ASTN2: variants seen among roughly 807,000 people sequenced by gnomAD.
ASTN2 encodes astrotactin 2.
A neutral mutation model predicts 139.8 loss-of-function variants in ASTN2; 54 were observed. The observed-to-expected ratio is 0.39, with a 90% CI of 0.31 to 0.48. ASTN2 has a LOEUF of 0.48. Ranked by LOEUF, ASTN2 falls within the 20% of genes least tolerant of loss-of-function variation. The pLI is 0.95. For missense variants in ASTN2, 1,565 were observed against 1,725.1 expected, an observed-to-expected ratio of 0.91 and a Z score of 1.64; for synonymous variants, 756 against 719.5, an observed-to-expected ratio of 1.05 and a Z score of -0.81.
chr9:116,832,519 G>A (rs1299785197), intron 11 of ASTN2, among the ~76,000 whole-genome samples: 1 of 151,874 alleles, frequency 6.6e-6, no homozygotes, highest in Non-Finnish European at 1.5e-5. Flanking sequence ...GTCAAGTTGA[G>A]TAAGTTCTCT....
intron 11 of ASTN2, among the ~76,000 whole-genome samples, chr9:116,834,868 T>C (rs536758766): frequency 6.6e-6 from 1 of 152,262 alleles, no homozygotes; most frequent in East Asian, 1.9e-4. Context: ...GGCAACATAG[T>C]GAGATCCTAT....
intron 13 of ASTN2, among the ~76,000 whole-genome samples, chr9:116,735,130 C>T (rs987011301): frequency 6.6e-6 from 1 of 152,128 alleles, no homozygotes; most frequent in African/African-American, 2.4e-5. Flanking sequence ...CTGGTTGGGC[C>T]TAAGACTGTC....
intron 11 of ASTN2, among the ~76,000 whole-genome samples, chr9:116,845,853 T>A (rs1832414150): frequency 6.6e-6 from 1 of 152,166 alleles, no homozygotes; most frequent in Non-Finnish European, 1.5e-5. Context: ...CCATATGATC[T>A]AGCAATTGCA....
chr9:116,612,284 CA>C (rs2131802822), intron 19 of ASTN2: 1 of 152,262 alleles, frequency 6.6e-6, no homozygotes, highest in Non-Finnish European at 1.5e-5. Context: ...GAGACTTTAA[CA>C]CCCCACTGTC....
At chr9:116,883,729 G>A (rs1394007361) in intron 10 of ASTN2, among the ~76,000 whole-genome samples, 1 of 152,182 alleles carries the variant, frequency 6.6e-6, no homozygotes, top group African/African-American at 2.4e-5. Context: ...CTTCCAGGTA[G>A]CCCATGAAGG....
At chr9:117,307,296 A>C (rs1210002342) in intron 1 of ASTN2, among the ~76,000 whole-genome samples, 1 of 152,234 alleles carries the variant, frequency 6.6e-6, no homozygotes, top group Non-Finnish European at 1.5e-5. Context: ...ATGTCTGCAC[A>C]GACTGATGTG....
intron 1 of ASTN2, among the ~76,000 whole-genome samples, chr9:117,387,455 C>T (rs1367093349): frequency 1.3e-5 from 2 of 152,078 alleles, no homozygotes; most frequent in Non-Finnish European, 2.9e-5. Flanking sequence ...GAAGGCTTCT[C>T]TGAGAGAGTG....
intron 1 of ASTN2, among the ~76,000 whole-genome samples, chr9:117,314,826 A>ATAAT (rs1351237313): frequency 2.7e-5 from 4 of 145,802 alleles, no homozygotes; most frequent in Non-Finnish European, 4.5e-5. Flanking sequence ...ATATAACTAT[A>ATAAT]TAATTATAAT....
At chr9:116,665,838 G>C (rs1210497011) in intron 16 of ASTN2, among the ~76,000 whole-genome samples, 1 of 152,076 alleles carries the variant, frequency 6.6e-6, no homozygotes, top group Non-Finnish European at 1.5e-5. Context: ...TCTGAAAACT[G>C]AAACCAAAGC....
At chr9:116,841,433 G>A (rs1331196295) in intron 11 of ASTN2, among the ~76,000 whole-genome samples, 1 of 152,098 alleles carries the variant, frequency 6.6e-6, no homozygotes, top group African/African-American at 2.4e-5. Flanking sequence ...TTGTAGATAT[G>A]GAGTCTTATG....
At chr9:116,907,456 G>A (rs2148542) in intron 10 of ASTN2, among the ~76,000 whole-genome samples, 17,972 of 152,192 alleles carry the variant, frequency 0.12, 1,428 homozygotes, top group East Asian at 0.39. Flanking sequence ...CCAGATCCAG[G>A]AAAAGCTTCT....
At chr9:116,905,332 C>T (rs1176311101) in intron 10 of ASTN2, among the ~76,000 whole-genome samples, 1 of 152,152 alleles carries the variant, frequency 6.6e-6, no homozygotes, top group Non-Finnish European at 1.5e-5. Flanking sequence ...TAGCACTTTA[C>T]CAAGACATGC....
chr9:117,008,624 T>G (rs1837427647), intron 6 of ASTN2, among the ~76,000 whole-genome samples: 1 of 152,118 alleles, frequency 6.6e-6, no homozygotes, highest in African/African-American at 2.4e-5. Flanking sequence ...ATGGAGTTGA[T>G]AGGGGAATGA....
chr9:116,424,480 A>T lies in ASTN2; in HGVS notation c.*1371T>A, dbSNP rs1278624404. On this transcript the variant is annotated 3_prime_UTR_variant, in exon 23 of 23. Transcript: ENST00000313400. ...CAAGCTCCCAGCCTCACCTTTTAAC[A>T]CTTCCTATTTTGATCCCTACTCTTA... 6.6e-6 allele frequency among the ~76,000 whole-genome samples: 1 copy of T among 151,942 alleles called. No individual in the cohort carries two copies. Among genetic ancestry groups the T allele is most frequent in the Non-Finnish European group, 1.5e-5 (1 of 67,988 alleles).
rs925903034 is a variant in ASTN2, at chr9:116,498,552, T to C, written c.3356-11052A>G. Among the ~76,000 whole-genome samples the C allele has an allele frequency of 4.3e-4, 65 of 152,078 alleles. 1 individual carries two copies. The highest frequency in any genetic ancestry group is 1.5e-3 in the African/African-American group (64 of 41,458). Reference sequence around the variant, plus strand: ...GATCAAGGTTGCAGTGAGCTGTGACTGTGCCACTGCACTCCAGCCTGGGCA... The same window carrying C: ...GATCAAGGTTGCAGTGAGCTGTGACCGTGCCACTGCACTCCAGCCTGGGCA... On this transcript the variant is annotated intron_variant, in intron 19 of 22. Coordinates refer to ENST00000313400, the MANE Select transcript of ASTN2 (RefSeq NM_001365068.1).
intron 20 of ASTN2, among the ~76,000 whole-genome samples, chr9:116,477,861 GAA>G (rs869258300): frequency 7.7e-5 from 2 of 26,018 alleles, no homozygotes; most frequent in African/African-American, 2.5e-4. Flanking sequence ...AATCAAAAAA[GAA>G]AAAAAAAAAA....
chr9:116,580,251 A>G (rs528879766), intron 19 of ASTN2, among the ~76,000 whole-genome samples: 1 of 152,330 alleles, frequency 6.6e-6, no homozygotes, highest in Non-Finnish European at 1.5e-5. Context: ...ACATATACAG[A>G]GCAGAAGAGG....
At chr9:117,090,525 A>T (rs769907265) in intron 5 of ASTN2, among the ~76,000 whole-genome samples, 1 of 152,254 alleles carries the variant, frequency 6.6e-6, no homozygotes, top group African/African-American at 2.4e-5. Context: ...AATCTCTTTC[A>T]TAATGGATCC....
intron 16 of ASTN2, among the ~76,000 whole-genome samples, chr9:116,692,592 G>A (rs2132055138): frequency 6.6e-6 from 1 of 152,228 alleles, no homozygotes; most frequent in East Asian, 1.9e-4. Context: ...TCCACAATAA[G>A]TAGTAGAGCT....
Sources: allele counts gnomAD v4.1 joint callset (sites outside exome capture counted in the v4.1 genomes callset), GRCh38; gene constraint gnomAD v4.1.1; transcripts MANE v1.5; gene names NCBI Gene and HGNC (gene_info 2026-07-23, HGNC 2026-07-21).